The following SYNRG variants were observed in gnomAD, a reference collection of about 807,000 sequenced individuals.
SYNRG encodes synergin gamma.
In SYNRG, 37 loss-of-function variants were observed where a neutral mutation model predicts 130.9. That is an observed-to-expected ratio of 0.28 (90% CI 0.22 to 0.37). The LOEUF is 0.37. Ranked by LOEUF, SYNRG falls within the 10% of genes least tolerant of loss-of-function variation. The pLI is 1.00. For synonymous variants in SYNRG, 539 were observed against 568.1 expected, an observed-to-expected ratio of 0.95 and a Z score of 0.73; for missense variants, 1,338 against 1,588.9, an observed-to-expected ratio of 0.84 and a Z score of 2.68.
intron 1 of SYNRG, among the ~76,000 whole-genome samples, chr17:37,602,151 C>T: frequency 6.6e-6 from 1 of 152,050 alleles, no homozygotes; most frequent in South Asian, 2.1e-4. Flanking sequence ...GCCTGACCAA[C>T]ATGGAGAAAC....
intron 19 of SYNRG, among the ~76,000 whole-genome samples, chr17:37,526,493 C>T (rs956372969): frequency 3.9e-4 from 59 of 152,202 alleles, no homozygotes; most frequent in Non-Finnish European, 1.9e-4. Flanking sequence ...CCTATTGCTG[C>T]TGTAACAAAG....
chr17:37,539,543 G>C (rs1358201935), intron 16 of SYNRG, among the ~76,000 whole-genome samples: 2 of 152,054 alleles, frequency 1.3e-5, no homozygotes, highest in African/African-American at 2.4e-5. Context: ...GCTAATTTTT[G>C]TATTTTTGGT....
chr17:37,538,516 G>A, intron 17 of SYNRG, 96 bp from the exon 18 acceptor site: 1 of 787,706 alleles, frequency 1.3e-6, no homozygotes, highest in Non-Finnish European at 2.1e-6. Flanking sequence ...AAGCCAGGAG[G>A]TGTCAAAAAA....
intron 3 of SYNRG, among the ~76,000 whole-genome samples, chr17:37,587,499 G>A (rs771927025): frequency 5.3e-5 from 8 of 152,074 alleles, no homozygotes; most frequent in Non-Finnish European, 7.4e-5. Context: ...CTGTAAGTGG[G>A]GAATATTCCT....
intron 14 of SYNRG, among the ~76,000 whole-genome samples, chr17:37,551,843 C>CA (rs937990059): frequency 4.5e-5 from 4 of 89,826 alleles, no homozygotes; most frequent in African/African-American, 1.9e-4. Context: ...CAAACAGCAG[C>CA]AAAAAAATAA....
intron 1 of SYNRG, among the ~76,000 whole-genome samples, chr17:37,607,658 G>A (rs767797114): frequency 3.3e-4 from 50 of 152,052 alleles, no homozygotes; most frequent in Non-Finnish European, 6.0e-4. Flanking sequence ...GCGTGGTGGC[G>A]CACGCCTGTA....
intron 14 of SYNRG, among the ~76,000 whole-genome samples, chr17:37,546,818 T>C (rs917014163): frequency 6.6e-6 from 1 of 152,198 alleles, no homozygotes; most frequent in African/African-American, 2.4e-5. Context: ...GACTAAGATA[T>C]ATATTTTAAT....
At chr17:37,583,178 G>A (rs1412718974) in intron 6 of SYNRG, among the ~76,000 whole-genome samples, 3 of 152,038 alleles carry the variant, frequency 2.0e-5, no homozygotes. Context: ...TTTTAGTAGA[G>A]ATGGGGTTTC....
chr17:37,601,688 G>A (rs111809004), intron 1 of SYNRG, among the ~76,000 whole-genome samples: 3 of 151,646 alleles, frequency 2.0e-5, no homozygotes, highest in Non-Finnish European at 2.9e-5. Flanking sequence ...TTTTTGAGAC[G>A]GAGTTTGCTC....
chr17:37,565,465 C>A (rs1279949908), intron 11 of SYNRG, among the ~76,000 whole-genome samples: 1 of 151,824 alleles, frequency 6.6e-6, no homozygotes, highest in Non-Finnish European at 1.5e-5. Flanking sequence ...CCGGCCGCCA[C>A]CCCGTCTGGG....
intron 13 of SYNRG, among the ~76,000 whole-genome samples, chr17:37,559,720 A>T (rs2059386018): frequency 6.6e-6 from 1 of 152,188 alleles, no homozygotes; most frequent in Non-Finnish European, 1.5e-5. Flanking sequence ...CTGCCTTTAC[A>T]GTCCGCAGAT....
At position 37,535,983 on chromosome 17, in the gene SYNRG, A is replaced by G. The variant is rs757465971; in HGVS notation, c.3662T>C (p.Leu1221Pro). Residue 1221 changes from leucine (L) to proline (P), a missense_variant, in exon 19 of 22, where the codon CTC becomes CCC. Coordinates refer to ENST00000612223, the MANE Select transcript of SYNRG (RefSeq NM_007247.6). ...NLIGFMSLAT[L>P]TPDENSLDFS... is the part of the protein sequence containing the mutation. Reference sequence around the variant, plus strand: ...TGAGTTGTCTCATGGGCTTACTGTGAGTGTGGCGAGTGACATGAAGCCGAT... The same window carrying G: ...TGAGTTGTCTCATGGGCTTACTGTGGGTGTGGCGAGTGACATGAAGCCGAT... The G allele has an allele frequency of 1.2e-6, 2 of 1,613,728 alleles. No individual in the cohort carries two copies. Among genetic ancestry groups the G allele is most frequent in the Non-Finnish European group, 1.7e-6 (2 of 1,180,058 alleles).
At position 37,596,319 on chromosome 17, in the gene SYNRG, T is replaced by C; in HGVS notation, c.144A>G (p.Gln48=). The stretch of plus-strand genomic sequence containing the variant: ...GCATGACAGAGACCATAGGAAATCC[T>C]TGTTGCTGCATCGGCATCAGGCCTG... ...PQAGLMPMQQ[Q]GFPMVSVMQP... is the part of the protein sequence containing the mutation. The change falls in exon 3 of 22, where the codon CAA becomes CAG. Residue 48 remains glutamine (Q), a synonymous_variant. Coordinates refer to ENST00000612223, the MANE Select transcript of SYNRG (RefSeq NM_007247.6). The C allele has an allele frequency of 6.2e-7, 1 of 1,614,148 alleles. No individual in the cohort carries two copies. Among genetic ancestry groups the C allele is most frequent in the Non-Finnish European group, 8.5e-7 (1 of 1,179,996 alleles).
Position 37,586,377 on chromosome 17 carries a change from A to G in SYNRG, c.371+42T>C, listed in dbSNP as rs1048817363. 3.1e-6 allele frequency: 5 copies of G among 1,610,942 alleles called. No homozygotes were observed. The African/African-American group carries it at 5.3e-5, about 17-fold the overall frequency. The stretch of plus-strand genomic sequence containing the variant: ...TTAGACAATTCTTAAGATAGATGCT[A>G]TAATGTATCTTTGTTATCCTTTAAT... On this transcript the variant is annotated intron_variant, in intron 4 of 21. Coordinates refer to ENST00000612223, the MANE Select transcript of SYNRG (RefSeq NM_007247.6).
chr17:37,519,186 G>A (rs2054674438), intron 21 of SYNRG, 115 bp from the exon 22 acceptor site: 1 of 1,374,966 alleles, frequency 7.3e-7, no homozygotes, highest in Non-Finnish European at 1.0e-6. Context: ...AGGCCAAAAT[G>A]GCACACACAT....
At chr17:37,591,050 A>G (rs1869697664) in intron 3 of SYNRG, among the ~76,000 whole-genome samples, 1 of 152,232 alleles carries the variant, frequency 6.6e-6, no homozygotes, top group South Asian at 2.1e-4. Flanking sequence ...TGATAAAGGT[A>G]GGACATGACT....
chr17:37,541,054 G>A (rs1360043445), intron 15 of SYNRG: 4 of 985,634 alleles, frequency 4.1e-6, no homozygotes, highest in African/African-American at 1.7e-5. Flanking sequence ...CGGTTTCCCT[G>A]CGTTTCGTTT....
chr17:37,536,282 A>G (rs185482751), intron 18 of SYNRG, 155 bp from the exon 19 acceptor site: 2 of 882,500 alleles, frequency 2.3e-6, no homozygotes, highest in African/African-American at 1.7e-5. Flanking sequence ...CCACTTCTCA[A>G]TGCTGCTGTA....
At chr17:37,521,754 T>C (rs73291830) in intron 19 of SYNRG, among the ~76,000 whole-genome samples, 2,200 of 151,804 alleles carry the variant, frequency 0.014, 51 homozygotes, top group African/African-American at 0.05. Flanking sequence ...GCAGCGGCGG[T>C]GGGGAATGGA....
Sources: allele counts gnomAD v4.1 joint callset (sites outside exome capture counted in the v4.1 genomes callset), GRCh38; gene constraint gnomAD v4.1.1; transcripts MANE v1.5; gene names NCBI Gene and HGNC (gene_info 2026-07-23, HGNC 2026-07-21).